SGK3: variants seen among roughly 807,000 people sequenced by gnomAD.
The protein encoded by SGK3 is serine/threonine-protein kinase Sgk3.
A neutral mutation model predicts 68.5 loss-of-function variants in SGK3; 47 were observed. The observed-to-expected ratio is 0.69, with a 90% confidence interval of 0.54 to 0.87. The LOEUF is 0.87. Ranked by LOEUF, SGK3 falls within the 40% of genes least tolerant of loss-of-function variation. The pLI is 0.00. For missense variants in SGK3, 479 were observed against 575.5 expected (o/e 0.83, Z 1.72); for synonymous variants, 181 against 189.1 (o/e 0.96, Z 0.35).
At chr8:66,736,694 A>G (rs1048305461) in intron 1 of SGK3, among the ~76,000 whole-genome samples, 8 of 150,860 alleles carry the variant, frequency 5.3e-5, no homozygotes, top group South Asian at 2.1e-4. Flanking sequence ...ATCTCAGCTC[A>G]CCACAACCTC....
At chr8:66,757,830 G>A (rs889265216) in intron 1 of SGK3, among the ~76,000 whole-genome samples, 2 of 150,060 alleles carry the variant, frequency 1.3e-5, no homozygotes, top group South Asian at 2.1e-4. Context: ...CAGGAGAATC[G>A]CTTGAGCCCA....
At chr8:66,790,304 AAGAGAATT>A (rs1807390485) in intron 1 of SGK3, among the ~76,000 whole-genome samples, 1 of 152,164 alleles carries the variant, frequency 6.6e-6, no homozygotes, top group Non-Finnish European at 1.5e-5. Flanking sequence ...GTAGATAGTG[AAGAGAATT>A]AGCATCCCTT....
intron 10 of SGK3, chr8:66,839,668 C>T (rs1169820038): frequency 5.4e-6 from 1 of 185,978 alleles, no homozygotes; most frequent in Non-Finnish European, 1.1e-5. Context: ...AAGATAATTA[C>T]ATGGCAGTAT....
intron 5 of SGK3, among the ~76,000 whole-genome samples, chr8:66,816,900 G>A (rs944494743): frequency 2.8e-4 from 43 of 151,788 alleles, no homozygotes; most frequent in African/African-American, 4.1e-4. Context: ...GCGTGATCTC[G>A]GCTCACTGCA....
Position 66,804,373 on chromosome 8 carries a change from A to G in SGK3, c.181-2A>G. The G allele has an allele frequency of 1.9e-6, 3 of 1,605,778 alleles. No homozygotes were observed. Among genetic ancestry groups the G allele is most frequent in the Non-Finnish European group, 2.5e-6 (3 of 1,177,756 alleles). On this transcript the variant is annotated splice_acceptor_variant, in intron 3 of 16. Coordinates refer to ENST00000521198, the MANE Select transcript of SGK3 (RefSeq NM_001033578.3). LOFTEE classifies it high-confidence loss of function. Reference sequence around the variant, plus strand: ...ATATAATGTTATTTTTAAAAATTTTAGTTAAAAAAACAGTTTCCTGCTATG... The same window carrying G: ...ATATAATGTTATTTTTAAAAATTTTGGTTAAAAAAACAGTTTCCTGCTATG...
chr8:66,825,087 A>C (rs1045072398), intron 6 of SGK3, among the ~76,000 whole-genome samples: 1 of 152,172 alleles, frequency 6.6e-6, no homozygotes, highest in Non-Finnish European at 1.5e-5. Flanking sequence ...TTTGAAGCCT[A>C]TCTTGCCTTG....
chr8:66,834,946 A>C (rs1411384190), intron 8 of SGK3, among the ~76,000 whole-genome samples: 1 of 151,572 alleles, frequency 6.6e-6, no homozygotes, highest in Non-Finnish European at 1.5e-5. Flanking sequence ...TCTCAAAAAA[A>C]AAAAAAAAAA....
chr8:66,775,966 C>T (rs374465097), intron 1 of SGK3, among the ~76,000 whole-genome samples: 2 of 152,294 alleles, frequency 1.3e-5, no homozygotes, highest in South Asian at 4.1e-4. Context: ...TCTAACCATA[C>T]AGCAGTTTTT....
intron 1 of SGK3, among the ~76,000 whole-genome samples, chr8:66,773,789 C>G (rs937415209): frequency 6.6e-6 from 1 of 152,016 alleles, no homozygotes; most frequent in Non-Finnish European, 1.5e-5. Flanking sequence ...AGTGGGATAG[C>G]GTGAGATTTT....
chr8:66,737,448 G>A (rs1180842674), intron 1 of SGK3: 1 of 152,006 alleles, frequency 6.6e-6, no homozygotes, highest in Non-Finnish European at 1.5e-5. Context: ...TAGGTGATAA[G>A]CCCATTCCCC....
intron 1 of SGK3, among the ~76,000 whole-genome samples, chr8:66,773,950 A>G (rs757268211): frequency 1.2e-3 from 180 of 152,236 alleles, no homozygotes; most frequent in Non-Finnish European, 1.7e-3. Context: ...TATTACAAAC[A>G]GGAAAGTTGT....
intron 1 of SGK3, among the ~76,000 whole-genome samples, chr8:66,789,723 G>T (rs2130559134): frequency 6.6e-6 from 1 of 152,264 alleles, no homozygotes; most frequent in South Asian, 2.1e-4. Context: ...GAAAATTGCT[G>T]CAGGTCCTTC....
chr8:66,806,112 C>A (rs928181348), intron 4 of SGK3, among the ~76,000 whole-genome samples: 29 of 152,254 alleles, frequency 1.9e-4, no homozygotes, highest in African/African-American at 6.5e-4. Flanking sequence ...GCTTATTATT[C>A]TTTACACTTT....
intron 1 of SGK3, among the ~76,000 whole-genome samples, chr8:66,714,884 A>G (rs1032588060): frequency 1.3e-5 from 2 of 152,222 alleles, no homozygotes; most frequent in East Asian, 3.8e-4. Flanking sequence ...AATGGAGGGC[A>G]GGTGTGTGGA....
intron 3 of SGK3, among the ~76,000 whole-genome samples, chr8:66,800,277 G>C (rs1490881063): frequency 6.6e-6 from 1 of 150,640 alleles, no homozygotes; most frequent in Non-Finnish European, 1.5e-5. Flanking sequence ...GGAGGCAGAG[G>C]TTGCAGTGAG....
intron 15 of SGK3, among the ~76,000 whole-genome samples, chr8:66,848,287 G>A (rs186386824): frequency 1.1e-3 from 167 of 152,204 alleles, no homozygotes; most frequent in African/African-American, 3.7e-3. Context: ...GCTGAACAGT[G>A]CTAAAGAAGG....
intron 4 of SGK3, among the ~76,000 whole-genome samples, chr8:66,811,683 C>T (rs1429274106): frequency 6.6e-6 from 1 of 152,218 alleles, no homozygotes; most frequent in Non-Finnish European, 1.5e-5. Flanking sequence ...AAAGGAAATT[C>T]CTCTCTTCAC....
intron 1 of SGK3, among the ~76,000 whole-genome samples, chr8:66,743,947 C>T (rs1005431131): frequency 6.6e-6 from 1 of 152,204 alleles, no homozygotes; most frequent in African/African-American, 2.4e-5. Flanking sequence ...TCCAGGAGTC[C>T]TCTGTCCTTT....
chr8:66,817,185 C>A (rs1301047281), intron 5 of SGK3, among the ~76,000 whole-genome samples: 1 of 151,992 alleles, frequency 6.6e-6, no homozygotes, highest in Non-Finnish European at 1.5e-5. Context: ...GTAATCTCAA[C>A]ACTTTGGGAG....
Sources: allele counts gnomAD v4.1 joint callset (sites outside exome capture counted in the v4.1 genomes callset), GRCh38; gene constraint gnomAD v4.1.1; transcripts MANE v1.5; gene names NCBI Gene and HGNC (gene_info 2026-07-23, HGNC 2026-07-21).